The following NR1H3 variants were observed in gnomAD, a reference collection of about 807,000 sequenced individuals.
The protein encoded by NR1H3 is oxysterols receptor LXR-alpha.
A neutral mutation model predicts 48.1 loss-of-function variants in NR1H3; 19 were observed. That is an observed-to-expected ratio of 0.40 (90% confidence interval 0.28 to 0.58). The LOEUF (loss-of-function observed/expected upper bound fraction) is 0.58, where lower values mean the gene tolerates loss of function less well. NR1H3 is among the 20% of genes least tolerant of loss of function. NR1H3 has a pLI of 0.50. For synonymous variants in NR1H3, 232 were observed against 227.3 expected (o/e 1.02, Z -0.19); for missense variants, 486 against 595.9 (o/e 0.82, Z 1.92).
chr11:47,256,777 C>T (rs911025746), upstream of NR1H3, among the ~76,000 whole-genome samples: 8 of 146,120 alleles, frequency 5.5e-5, no homozygotes, highest in East Asian at 4.0e-4. Context: ...GTCACTCAGG[C>T]AGGAGTGCAG....
At chr11:47,257,067 A>T (rs1290786292), upstream of NR1H3, among the ~76,000 whole-genome samples, 1 of 152,220 alleles carries the variant, frequency 6.6e-6, no homozygotes, top group Non-Finnish European at 1.5e-5. Context: ...TCATTCAACA[A>T]ATAGGAACAC....
chr11:47,261,636 GGA>G lies in NR1H3; in HGVS notation c.801_802del (p.Glu267AspfsTer3). On this transcript the variant is annotated frameshift_variant, in exon 6 of 10. Transcript: ENST00000441012. LOFTEE classifies it high-confidence loss of function. ...FTELAIVSVQ[E>X]IVDFAKQLPG... ...CTGAGCTGGCCATCGTCTCTGTGCAGGAGATAGTTGACTTTGCTAAACAGCTA... is the reference window on the plus strand; with the variant it reads ...CTGAGCTGGCCATCGTCTCTGTGCAGGATAGTTGACTTTGCTAAACAGCTA... 6.2e-7 allele frequency: 1 copy of G among 1,614,250 alleles called. No individual in the cohort carries two copies. Among genetic ancestry groups the G allele is most frequent in the East Asian group, 2.2e-5 (1 of 44,886 alleles).
intron 1 of NR1H3, among the ~76,000 whole-genome samples, chr11:47,249,372 C>T (rs1372567229): frequency 6.6e-6 from 1 of 152,176 alleles, no homozygotes; most frequent in African/African-American, 2.4e-5. Flanking sequence ...CTGCCCTGCA[C>T]AAAGCTTCAG....
upstream of NR1H3, among the ~76,000 whole-genome samples, chr11:47,253,520 G>A (rs1954836112): frequency 6.6e-6 from 1 of 152,222 alleles, no homozygotes; most frequent in African/African-American, 2.4e-5. Context: ...GCAGTGGTCT[G>A]CAAGATGATC....
chr11:47,268,887 A>G lies in NR1H3; in HGVS notation c.*191A>G, dbSNP rs1957785082. On this transcript the variant is annotated 3_prime_UTR_variant, in exon 10 of 10. Coordinates refer to ENST00000441012, the MANE Select transcript of NR1H3 (RefSeq NM_005693.4). ...ACTGAGCAGTGGAGCCCTCGCTAACACTGTGCTGTGTCTGAAGATCATGCT... is the reference window on the plus strand; with the variant it reads ...ACTGAGCAGTGGAGCCCTCGCTAACGCTGTGCTGTGTCTGAAGATCATGCT... The G allele has an allele frequency of 3.0e-6, 2 of 656,110 alleles. No individual in the cohort carries two copies. Among genetic ancestry groups the G allele is most frequent in the Non-Finnish European group, 2.6e-6 (1 of 392,130 alleles). The allele number at this position is 656,110 out of a possible 1,614,324, so 40.6% of individuals were successfully genotyped here.
chr11:47,261,883 C>G, intron 6 of NR1H3, 36 bp from the exon 7 acceptor site: 2 of 1,604,786 alleles, frequency 1.2e-6, no homozygotes, highest in Non-Finnish European at 1.7e-6. Flanking sequence ...GACCAGCCCT[C>G]CTAGTCCCCG....
rs775684021 is a variant in NR1H3 at position 47,267,935 on chromosome 11, C to T, written c.1011C>T (p.Asn337=). 6.2e-7 allele frequency: 1 copy of T among 1,614,020 alleles called. No individual in the cohort carries two copies. Among genetic ancestry groups the T allele is most frequent in the Admixed American group, 1.7e-5 (1 of 60,028 alleles). The part of the protein sequence containing the change: ...AKAGLQVEFI[N]PIFEFSRAMN... The stretch of plus-strand genomic sequence containing the variant: ...CAGGGCTGCAAGTGGAATTCATCAA[C>T]CCCATCTTCGAGTTCTCCAGGGCCA... The change falls in exon 8 of 10, where the codon AAC becomes AAT. Residue 337 remains asparagine, a synonymous_variant. Transcript: ENST00000441012.
Position 47,259,792 on chromosome 11 carries a change from C to T in NR1H3, c.45C>T (p.Asp15=). The T allele has an allele frequency of 6.2e-7, 1 of 1,612,078 alleles. No homozygotes were observed. Among genetic ancestry groups the T allele is most frequent in the Non-Finnish European group, 8.5e-7 (1 of 1,179,896 alleles). ...LGAPVPDIPP[D]SAVELWKPGA... is the part of the protein sequence containing the mutation. The stretch of plus-strand genomic sequence containing the variant: ...TTGTGCCTCTCTTTTGGAGCTCAGA[C>T]TCTGCGGTGGAGCTGTGGAAGCCAG... Residue 15 remains aspartate (D), a splice_region_variant and synonymous_variant, in exon 3 of 10, where the codon GAC becomes GAT. Coordinates refer to ENST00000441012, the MANE Select transcript of NR1H3 (RefSeq NM_005693.4).
chr11:47,254,790 C>G (rs900452263), upstream of NR1H3, among the ~76,000 whole-genome samples: 2 of 152,172 alleles, frequency 1.3e-5, no homozygotes, highest in African/African-American at 4.8e-5. Context: ...TCTCATCTTT[C>G]ACCAGGCTGC....
At chr11:47,267,867 C>T in intron 7 of NR1H3, 46 bp from the exon 8 acceptor site, 1 of 1,349,136 alleles carries the variant, frequency 7.4e-7, no homozygotes, top group South Asian at 1.2e-5. Flanking sequence ...GAAGAAAGTT[C>T]CTGCTGCTCC....
chr11:47,252,001 A>G lies in NR1H3; in HGVS notation c.-93+3002A>G, dbSNP rs570541410. Among the ~76,000 whole-genome samples the G allele has an allele frequency of 2.0e-3, 297 of 148,506 alleles. 2 individuals are homozygous for G. The highest frequency in any genetic ancestry group is 0.01 in the Middle Eastern group (3 of 286). On this transcript the variant is annotated intron_variant, in intron 1 of 8. Coordinates refer to the NR1H3 transcript ENST00000395397. ...TCACCCCTTTGCCTTCAGCTTTTGCATTTTCTGCCAGATGATTCTGTGGTT... is the reference window on the plus strand; with the variant it reads ...TCACCCCTTTGCCTTCAGCTTTTGCGTTTTCTGCCAGATGATTCTGTGGTT...
upstream of NR1H3, among the ~76,000 whole-genome samples, chr11:47,253,144 T>TGTGTGTGTGTGTGTGTGTGTGTGTGTG (rs1554980530): frequency 6.6e-6 from 1 of 151,498 alleles, no homozygotes; most frequent in Non-Finnish European, 1.5e-5. Context: ...CGTGTGTGTG[T>TGTGTGTGTGTGTGTGTGTGTGTGTGTG]TTTCTGTAAA....
rs778050783 is a variant in NR1H3, at chr11:47,261,342, C to T, written c.601C>T (p.Gln201Ter). 1 of 1,614,030 alleles carries T rather than the reference C, an allele frequency of 6.2e-7. No homozygotes were observed. Among genetic ancestry groups the T allele is most frequent in the Admixed American group, 1.7e-5 (1 of 59,996 alleles). Residue 201 changes from glutamine (Q) to a stop codon, truncating the protein, a stop_gained, in exon 5 of 10, where the codon CAA becomes TAA. Coordinates refer to ENST00000441012, the MANE Select transcript of NR1H3 (RefSeq NM_005693.4). LOFTEE classifies it high-confidence loss of function. ...GCCCCCCAGGGCTTCCTCACCCCCC[C>T]AAATCCTGCCCCAGCTCAGCCCGGA... ...SLPPRASSPP[Q>*]ILPQLSPEQL...
intron 7 of NR1H3, among the ~76,000 whole-genome samples, chr11:47,263,204 C>T (rs1032502691): frequency 3.3e-5 from 5 of 150,828 alleles, no homozygotes; most frequent in Non-Finnish European, 7.4e-5. Flanking sequence ...TTTTAGTAGT[C>T]AAAAAGTGAA....
At chr11:47,257,657 C>A, upstream of NR1H3, 1 of 985,606 alleles carries the variant, frequency 1.0e-6, no homozygotes, top group Non-Finnish European at 1.2e-6. Context: ...GGGGAGGGAA[C>A]ACGATTCTGG....
At chr11:47,255,619 TTCTTTCTTTC>T (rs1342057999), upstream of NR1H3, among the ~76,000 whole-genome samples, 1 of 83,018 alleles carries the variant, frequency 1.2e-5, no homozygotes, top group African/African-American at 4.9e-5. Context: ...CTCTCTCTCT[TTCTTTCTTTC>T]TTTCTTTCTT....
In NR1H3 at chr11:47,261,538, C is replaced by T. The variant is rs1290709840; in HGVS notation, c.709-9C>T. On this transcript the variant is annotated splice_polypyrimidine_tract_variant and intron_variant, in intron 5 of 9. Coordinates refer to ENST00000441012, the MANE Select transcript of NR1H3 (RefSeq NM_005693.4). ...ACTCAAAGCGCTTTGCCTTTTCCCTCCTGGGTAGCCTTGGCCCATGGCACC... is the reference window on the plus strand; with the variant it reads ...ACTCAAAGCGCTTTGCCTTTTCCCTTCTGGGTAGCCTTGGCCCATGGCACC... 6 of 1,613,296 alleles carry T rather than the reference C, an allele frequency of 3.7e-6. No homozygotes were observed. The highest frequency in any genetic ancestry group is 5.1e-6 in the Non-Finnish European group (6 of 1,179,268).
chr11:47,258,154 C>T (rs1955392314), intron 1 of NR1H3, 25 bp downstream of exon 1: 1 of 985,104 alleles, frequency 1.0e-6, no homozygotes, highest in Admixed American at 6.2e-5. Context: ...TAGCAGTGGC[C>T]TGGGGCTCTG....
At chr11:47,248,466 T>C, upstream of NR1H3, 1 of 1,547,302 alleles carries the variant, frequency 6.5e-7, no homozygotes, top group Non-Finnish European at 8.7e-7. Context: ...ACCACTTCCC[T>C]GTCTCAAGGC....
Sources: gnomAD v4.1 joint callset for allele counts (sites outside exome capture counted in the v4.1 genomes callset) on GRCh38, gnomAD v4.1.1 for gene constraint, MANE v1.5 for transcripts, NCBI Gene and HGNC (gene_info 2026-07-23, HGNC 2026-07-21) for gene names.